Variants in WDR11 observed in about 807,000 individuals in gnomAD.
WDR11 encodes WD repeat-containing protein 11.
Under a neutral mutation model 151.2 loss-of-function variants are expected in WDR11, and 83 were observed. The observed-to-expected ratio is 0.55, with a 90% CI of 0.46 to 0.66. The LOEUF (loss-of-function observed/expected upper bound fraction) is 0.66, where lower values mean the gene tolerates loss of function less well. Ranked by LOEUF, WDR11 falls within the 30% of genes least tolerant of loss-of-function variation. The probability of loss-of-function intolerance (pLI) is 0.00; values close to 1 mark genes in which losing one functional copy is unlikely to be tolerated. For synonymous variants in WDR11, 484 were observed against 533.1 expected (o/e 0.91, Z 1.27); for missense variants, 1,301 against 1,480.9 (o/e 0.88, Z 1.99).
At position 120,902,869 on chromosome 10, in the gene WDR11, G is replaced by A. The variant is rs10886797; in HGVS notation, c.2754-186G>A. 0.37 allele frequency among the ~76,000 whole-genome samples: 55,401 copies of A among 151,704 alleles called. 10,276 individuals carry two copies. The highest frequency in any genetic ancestry group is 0.43 in the Admixed American group (6,633 of 15,254). On this transcript the variant is annotated intron_variant, in intron 22 of 28. Transcript: ENST00000263461. ...AGGGGTCCTGTGCAGTCAGGCCCCC[G>A]TATTGTTGAAGGCCCAGTAGCAGGG... is the stretch of plus-strand genomic sequence containing the variant.
intron 10 of WDR11, 133 bp downstream of exon 10, chr10:120,871,479 A>G: frequency 1.1e-6 from 1 of 918,858 alleles, no homozygotes; most frequent in Non-Finnish European, 1.6e-6. Flanking sequence ...AACTGTAAAT[A>G]CTCATCCTGG....
At chr10:120,906,708 C>T (rs1026269046) in intron 27 of WDR11, 68 bp from the exon 28 acceptor site, 12 of 1,613,054 alleles carry the variant, frequency 7.4e-6, no homozygotes, top group Non-Finnish European at 9.3e-6. Context: ...TCTTTATACC[C>T]TTCGATGCTG....
At chr10:120,871,471 C>T (rs1846539046) in intron 10 of WDR11, 125 bp downstream of exon 10, 2 of 967,050 alleles carry the variant, frequency 2.1e-6, no homozygotes, top group Admixed American at 5.3e-5. Flanking sequence ...CTAAGTGAAA[C>T]TGTAAATACT....
chr10:120,905,667 A>G (rs1848009817), intron 26 of WDR11: 8 of 919,108 alleles, frequency 8.7e-6, no homozygotes, highest in African/African-American at 1.7e-5. Flanking sequence ...CTGAGCCGAA[A>G]CTACAGTCCA....
At chr10:120,906,699 C>G in intron 27 of WDR11, 77 bp from the exon 28 acceptor site, 1 of 1,612,402 alleles carries the variant, frequency 6.2e-7, no homozygotes, top group Non-Finnish European at 8.5e-7. Flanking sequence ...GTGTAAATGT[C>G]TTTATACCCT....
rs759993462 is a variant in WDR11, at chr10:120,890,817, T to C, written c.2445T>C (p.Asp815=). The C allele has an allele frequency of 6.2e-7, 1 of 1,614,124 alleles. No homozygotes were observed. Among genetic ancestry groups the C allele is most frequent in the Non-Finnish European group, 8.5e-7 (1 of 1,180,012 alleles). ...ATAAAGTGATCTTGGCCTCAGATGATGGGTGCATCAGAGTCCTAGAGATGT... is the reference window on the plus strand; with the variant it reads ...ATAAAGTGATCTTGGCCTCAGATGACGGGTGCATCAGAGTCCTAGAGATGT... ...TSDKVILASD[D]GCIRVLEMSM... The change falls in exon 19 of 29, where the codon GAT becomes GAC. Residue 815 remains aspartate (D), a synonymous_variant. Coordinates refer to ENST00000263461, the MANE Select transcript of WDR11 (RefSeq NM_018117.12).
chr10:120,869,851 G>A (rs12355684), intron 9 of WDR11, among the ~76,000 whole-genome samples: 1,617 of 151,860 alleles, frequency 0.011, 18 homozygotes, highest in African/African-American at 0.027. Flanking sequence ...GTGCGGTGGC[G>A]CAATCTCGGC....
chr10:120,869,105 GGTTTTTTTTTT>G (rs1374391360), intron 9 of WDR11, among the ~76,000 whole-genome samples: 4 of 71,666 alleles, frequency 5.6e-5, no homozygotes, highest in African/African-American at 1.6e-4. Context: ...ATAAATTACA[GGTTTTTTTTTT>G]TTTTTTTTTT....
chr10:120,853,957 T>G (rs558061556), intron 2 of WDR11, among the ~76,000 whole-genome samples: 4 of 152,216 alleles, frequency 2.6e-5, no homozygotes, highest in Non-Finnish European at 5.9e-5. Flanking sequence ...TATTGCATTA[T>G]AGTGATCCGG....
At chr10:120,851,824 C>G in intron 1 of WDR11, 1 of 478,870 alleles carries the variant, frequency 2.1e-6, no homozygotes, top group Non-Finnish European at 3.8e-6. Flanking sequence ...TTCTCTCTCT[C>G]CACCATTAAT....
chr10:120,864,224 A>T (rs533425068), intron 5 of WDR11, among the ~76,000 whole-genome samples: 2 of 152,308 alleles, frequency 1.3e-5, no homozygotes, highest in Non-Finnish European at 2.9e-5. Flanking sequence ...CCCAACTAGG[A>T]CATGGCAGTC....
chr10:120,906,056 GC>G, intron 27 of WDR11, 35 bp downstream of exon 27: 1 of 1,612,610 alleles, frequency 6.2e-7, no homozygotes, highest in Non-Finnish European at 8.5e-7. Context: ...GCTCAGGCCT[GC>G]CCGTGAGCAG....
At chr10:120,867,017 A>G (rs769385954) in intron 8 of WDR11, 49 bp from the exon 9 acceptor site, 4 of 1,433,368 alleles carry the variant, frequency 2.8e-6, no homozygotes, top group Non-Finnish European at 2.9e-6. Flanking sequence ...CCTAATACGT[A>G]ATGCAGATTT....
chr10:120,864,278 C>G (rs1846238311), intron 5 of WDR11, among the ~76,000 whole-genome samples: 2 of 152,048 alleles, frequency 1.3e-5, no homozygotes, highest in Non-Finnish European at 2.9e-5. Context: ...GTCTTGTGAA[C>G]TAACTTTATT....
chr10:120,907,174 C>A (rs1179849763), intron 28 of WDR11: 14 of 338,926 alleles, frequency 4.1e-5, no homozygotes, highest in Non-Finnish European at 6.8e-5. Flanking sequence ...GGTAGAAGGA[C>A]CTGGTACTTT....
intron 7 of WDR11, among the ~76,000 whole-genome samples, chr10:120,866,046 G>A (rs966865928): frequency 3.3e-5 from 5 of 149,886 alleles, no homozygotes; most frequent in Non-Finnish European, 7.4e-5. Flanking sequence ...GTCCAACCTT[G>A]TGTGCCTTTA....
At position 120,900,300 on chromosome 10, in the gene WDR11, C is replaced by T. The variant is rs74158344; in HGVS notation, c.2624+163C>T. On this transcript the variant is annotated intron_variant, in intron 20 of 28. Transcript: ENST00000263461. The stretch of plus-strand genomic sequence containing the variant: ...AATTGCCAGGCTGCCTCTGGGTTCT[C>T]GGGCCTTTGTGGAAGTGTGGGTCAG... Among the ~76,000 whole-genome samples, 4,039 of 152,116 alleles carry T rather than the reference C, an allele frequency of 0.027. 212 individuals are homozygous for T. The highest frequency in any genetic ancestry group is 0.093 in the African/African-American group (3,856 of 41,494).
Position 120,889,878 on chromosome 10 carries a change from T to C in WDR11, c.2229-17T>C. 1 of 1,561,058 alleles carries C rather than the reference T, an allele frequency of 6.4e-7. No individual in the cohort carries two copies. The highest frequency in any genetic ancestry group is 1.1e-5 in the South Asian group (1 of 89,748). On this transcript the variant is annotated splice_polypyrimidine_tract_variant and intron_variant, in intron 17 of 28. Transcript: ENST00000263461. ...TCACTCTACATTGTATTGATGTTTTTGTTTCTTTGTCTTCAGAGGAATACC... is the reference window on the plus strand; with the variant it reads ...TCACTCTACATTGTATTGATGTTTTCGTTTCTTTGTCTTCAGAGGAATACC...
chr10:120,906,785 C>CT lies in WDR11; in HGVS notation c.3450dup (p.Asp1151Ter), dbSNP rs1848071687. ...TTGTTCTGTTGAGCAGCATGAGATA[C>CT]TTTGATAGAGCAGCCTTATTTGTGG... On this transcript the variant is annotated frameshift_variant, in exon 28 of 29. Transcript: ENST00000263461. LOFTEE classifies it high-confidence loss of function. The CT allele has an allele frequency of 6.2e-7, 1 of 1,614,020 alleles. No homozygotes were observed. Among genetic ancestry groups the CT allele is most frequent in the Non-Finnish European group, 8.5e-7 (1 of 1,180,030 alleles).
Sources: allele counts gnomAD v4.1 joint callset (sites outside exome capture counted in the v4.1 genomes callset), GRCh38; gene constraint gnomAD v4.1.1; transcripts MANE v1.5; gene names NCBI Gene and HGNC (gene_info 2026-07-23, HGNC 2026-07-21).